LARGE1: variants seen among roughly 807,000 people sequenced by gnomAD.
The protein encoded by LARGE1 is xylosyl- and glucuronyltransferase LARGE1.
Under a neutral mutation model 87.6 loss-of-function variants are expected in LARGE1, and 43 were observed. The ratio of observed to expected loss-of-function variants is 0.49; its 90% confidence interval spans 0.38 to 0.63. The LOEUF is 0.63. Among genes scored for constraint, LARGE1 ranks in the 30% least tolerant of loss-of-function variants. The pLI is 0.00. For missense variants in LARGE1, 802 were observed against 1,000.2 expected, an observed-to-expected ratio of 0.80 and a Z score of 2.67; for synonymous variants, 434 against 394.6, an observed-to-expected ratio of 1.10 and a Z score of -1.18.
chr22:33,461,478 A>G (rs1392649995), intron 6 of LARGE1, among the ~76,000 whole-genome samples: 5 of 152,064 alleles, frequency 3.3e-5, no homozygotes, highest in Admixed American at 2.0e-4. Context: ...CTTTGGACAC[A>G]GGGCAGGGAA....
intron 5 of LARGE1, among the ~76,000 whole-genome samples, chr22:33,577,886 TAGTAA>T (rs1016225167): frequency 4.6e-5 from 7 of 152,218 alleles, no homozygotes; most frequent in Non-Finnish European, 8.8e-5. Context: ...TCTCTTGGTG[TAGTAA>T]AAGGAAAACC....
At chr22:33,656,559 C>T (rs2080966361) in intron 2 of LARGE1, among the ~76,000 whole-genome samples, 1 of 152,178 alleles carries the variant, frequency 6.6e-6, no homozygotes, top group African/African-American at 2.4e-5. Context: ...GCAGGCAGGG[C>T]ACATAAAGGC....
intron 1 of LARGE1, among the ~76,000 whole-genome samples, chr22:33,843,069 A>C (rs9621780): frequency 0.61 from 93,070 of 151,942 alleles, 28,596 homozygotes; most frequent in South Asian, 0.67. Flanking sequence ...GCCTTCCTGG[A>C]AGACATCCTT....
intron 1 of LARGE1, among the ~76,000 whole-genome samples, chr22:33,851,292 C>T (rs1601774346): frequency 6.6e-6 from 1 of 152,316 alleles, no homozygotes; most frequent in South Asian, 2.1e-4. Context: ...TACTCAAGAC[C>T]CCACTGTGTC....
intron 1 of LARGE1, among the ~76,000 whole-genome samples, chr22:33,772,054 C>G (rs1382926134): frequency 6.6e-6 from 1 of 152,210 alleles, no homozygotes; most frequent in Non-Finnish European, 1.5e-5. Flanking sequence ...TCAGTGTTGG[C>G]CAGGCGCGGC....
chr22:33,586,046 T>C (rs144198271), intron 5 of LARGE1, among the ~76,000 whole-genome samples: 25 of 152,302 alleles, frequency 1.6e-4, no homozygotes, highest in Non-Finnish European at 3.4e-4. Context: ...AGTTTGGAGT[T>C]TGGGTTGGAT....
chr22:33,628,236 C>G (rs1006994691), intron 3 of LARGE1, among the ~76,000 whole-genome samples: 2 of 151,760 alleles, frequency 1.3e-5, no homozygotes, highest in Non-Finnish European at 2.9e-5. Context: ...GAGACAGGTA[C>G]AGTATTATCA....
chr22:33,227,784 G>A (rs1925809599), intron 11 of LARGE1, among the ~76,000 whole-genome samples: 1 of 152,082 alleles, frequency 6.6e-6, no homozygotes, highest in Non-Finnish European at 1.5e-5. Flanking sequence ...CTATGTATGG[G>A]GAAAAAAGGA....
At chr22:33,782,847 G>C (rs2085467258) in intron 1 of LARGE1, among the ~76,000 whole-genome samples, 1 of 144,340 alleles carries the variant, frequency 6.9e-6, no homozygotes, top group Non-Finnish European at 1.5e-5. Flanking sequence ...CCTGGCAACA[G>C]AGTGAGACTC....
chr22:33,883,017 C>T (rs1051604710), intron 1 of LARGE1, among the ~76,000 whole-genome samples: 15 of 152,148 alleles, frequency 9.9e-5, no homozygotes, highest in African/African-American at 3.6e-4. Flanking sequence ...TCACTTTGGG[C>T]CCTGGATTGC....
chr22:33,346,256 CTT>C (rs1491098820), intron 9 of LARGE1, among the ~76,000 whole-genome samples: 5 of 148,370 alleles, frequency 3.4e-5, no homozygotes, highest in African/African-American at 1.2e-4. Context: ...TCCTTCCTCT[CTT>C]CTCTCTCTCT....
At chr22:33,337,504 A>T in intron 10 of LARGE1, 142 bp downstream of exon 10, 1 of 912,516 alleles carries the variant, frequency 1.1e-6, no homozygotes, top group Non-Finnish European at 1.7e-6. Flanking sequence ...CTCCCCGACT[A>T]GATGGTGGAC....
intron 1 of LARGE1, among the ~76,000 whole-genome samples, chr22:33,802,652 C>T (rs1326261322): frequency 1.3e-5 from 2 of 152,164 alleles, no homozygotes; most frequent in African/African-American, 4.8e-5. Context: ...TCTTATTTGT[C>T]ACCCTGCCCC....
At chr22:33,278,813 C>T (rs1352185764) in intron 13 of LARGE1, among the ~76,000 whole-genome samples, 2 of 152,006 alleles carry the variant, frequency 1.3e-5, no homozygotes, top group Non-Finnish European at 2.9e-5. Flanking sequence ...TCTGCCTCCC[C>T]GGTTCAAGCG....
At chr22:33,545,872 T>C (rs2077348575) in intron 6 of LARGE1, among the ~76,000 whole-genome samples, 1 of 152,174 alleles carries the variant, frequency 6.6e-6, no homozygotes, top group Non-Finnish European at 1.5e-5. Context: ...GCGTGAGCCA[T>C]GGCAGGTGCC....
chr22:33,837,889 G>A (rs2063155157), intron 1 of LARGE1, among the ~76,000 whole-genome samples: 1 of 152,176 alleles, frequency 6.6e-6, no homozygotes, highest in Non-Finnish European at 1.5e-5. Context: ...GGAAAGTTGA[G>A]GATATTCTAC....
chr22:33,357,185 A>G (rs1210743322), intron 9 of LARGE1, among the ~76,000 whole-genome samples: 2 of 152,180 alleles, frequency 1.3e-5, no homozygotes, highest in Non-Finnish European at 2.9e-5. Flanking sequence ...AATACTATTC[A>G]GCCATGAAAA....
At chr22:33,470,678 C>A (rs1383980552) in intron 6 of LARGE1, among the ~76,000 whole-genome samples, 7 of 152,318 alleles carry the variant, frequency 4.6e-5, no homozygotes, top group African/African-American at 1.7e-4. Context: ...CTTGTGAGTT[C>A]CACTTCCTCT....
chr22:33,902,153 G>C (rs1312508653), intron 1 of LARGE1, among the ~76,000 whole-genome samples: 1 of 152,116 alleles, frequency 6.6e-6, no homozygotes, highest in East Asian at 1.9e-4. Context: ...TTTACGACGT[G>C]GGCCAAATGG....
Sources: allele counts gnomAD v4.1 joint callset (sites outside exome capture counted in the v4.1 genomes callset), GRCh38; gene constraint gnomAD v4.1.1; transcripts MANE v1.5; gene names NCBI Gene and HGNC (gene_info 2026-07-23, HGNC 2026-07-21).